Variants in GPR26 observed in about 807,000 individuals in gnomAD.
The protein encoded by GPR26 is G protein-coupled receptor 26.
A neutral mutation model predicts 23.1 loss-of-function variants in GPR26; 15 were observed. That is an observed-to-expected ratio of 0.65 (90% CI 0.43 to 1.00). GPR26 has a LOEUF of 1.00. GPR26 is among the 50% of genes least tolerant of loss of function. GPR26 has a pLI of 0.00. For synonymous variants in GPR26, 228 were observed against 222.1 expected, an observed-to-expected ratio of 1.03 and a Z score of -0.24; for missense variants, 359 against 470.5, an observed-to-expected ratio of 0.76 and a Z score of 2.19.
rs554661678 is a variant in GPR26 at position 123,696,088 on chromosome 10, A to G, written c.*7928A>G. 4.4e-4 allele frequency among the ~76,000 whole-genome samples: 67 copies of G among 152,324 alleles called. 1 individual carries two copies. The highest frequency in any genetic ancestry group is 2.9e-3 in the South Asian group (14 of 4,824). On this transcript the variant is annotated 3_prime_UTR_variant, in exon 3 of 3. Transcript: ENST00000284674. The stretch of plus-strand genomic sequence containing the variant: ...ATCAAATCCTGCCATCTGGATGTGC[A>G]TTATTAATGCTGGTGTTTGGTGAGG...
chr10:123,667,223 T>G, intron 1 of GPR26, 148 bp downstream of exon 1: 2 of 653,878 alleles, frequency 3.1e-6, no homozygotes, highest in Non-Finnish European at 5.1e-6. Flanking sequence ...CTGTGGGGCT[T>G]AAGGAGGTGC....
chr10:123,666,519 C>A lies in GPR26; in HGVS notation c.112C>A (p.Arg38Ser), dbSNP rs751087322. Reference protein sequence around the residue: ...LCLLHSADIRRQAPALFTLNL... With the variant: ...LCLLHSADIRSQAPALFTLNL... Reference sequence around the variant, plus strand: ...CCTGCTGCACAGCGCGGACATCCGCCGCCAGGCGCCGGCGCTCTTCACCCT... The same window carrying A: ...CCTGCTGCACAGCGCGGACATCCGCAGCCAGGCGCCGGCGCTCTTCACCCT... Residue 38 changes from arginine to serine, a missense_variant, in exon 1 of 3, where the codon CGC becomes AGC. Transcript: ENST00000284674. The A allele has an allele frequency of 1.3e-6, 2 of 1,581,044 alleles. No homozygotes were observed. Among genetic ancestry groups the A allele is most frequent in the East Asian group, 2.3e-5 (1 of 43,046 alleles).
rs745339778 is a variant in GPR26 at position 123,688,480 on chromosome 10, G to C, written c.*320G>C. The C allele has an allele frequency of 8.5e-6, 3 of 353,860 alleles. No homozygotes were observed. Among genetic ancestry groups the C allele is most frequent in the Non-Finnish European group, 1.1e-5 (2 of 187,720 alleles). 21.9% of individuals were successfully genotyped at this position (353,860 alleles called of 1,614,324 possible). On this transcript the variant is annotated 3_prime_UTR_variant, in exon 3 of 3. Coordinates refer to ENST00000284674, the MANE Select transcript of GPR26 (RefSeq NM_153442.4). ...GTTCTGTCACTGTCAAGGATGCAGA[G>C]AGCTGGTGGTAGGTGGGAAGCATGG...
chr10:123,697,351 GA>G lies in GPR26; in HGVS notation c.*9196del, dbSNP rs148337611. On this transcript the variant is annotated 3_prime_UTR_variant, in exon 3 of 3. Coordinates refer to ENST00000284674, the MANE Select transcript of GPR26 (RefSeq NM_153442.4). ...TGATAGAATTGATGGTTAATACAGG[GA>G]AAAAGTATATATTGTGATTCTGTCC... 0.08 allele frequency among the ~76,000 whole-genome samples: 12,141 copies of G among 152,178 alleles called. 651 individuals carry two copies. The highest frequency in any genetic ancestry group is 0.19 in the South Asian group (891 of 4,816).
intron 2 of GPR26, among the ~76,000 whole-genome samples, chr10:123,681,443 G>A (rs918135374): frequency 6.6e-6 from 1 of 152,158 alleles, no homozygotes; most frequent in Non-Finnish European, 1.5e-5. Context: ...AGCTGTCAGC[G>A]CAGAAACTAA....
intron 1 of GPR26, among the ~76,000 whole-genome samples, chr10:123,671,571 G>A (rs1266836001): frequency 2.0e-5 from 3 of 152,110 alleles, no homozygotes; most frequent in African/African-American, 4.8e-5. Flanking sequence ...CTGACTGAAC[G>A]TACCTGACCG....
At chr10:123,667,245 G>A (rs1035485906) in intron 1 of GPR26, among the ~76,000 whole-genome samples, 170 bp downstream of exon 1, 7 of 152,156 alleles carry the variant, frequency 4.6e-5, no homozygotes, top group African/African-American at 1.7e-4. Flanking sequence ...TAGGGTATCA[G>A]CAAACCAGGG....
At chr10:123,669,161 T>G (rs1314799119) in intron 1 of GPR26, among the ~76,000 whole-genome samples, 1 of 152,206 alleles carries the variant, frequency 6.6e-6, no homozygotes, top group East Asian at 1.9e-4. Context: ...GAGAAAAGAC[T>G]TCTGGGGCCG....
rs1228056340 is a variant in GPR26 at position 123,674,193 on chromosome 10, G to T, written c.669-625G>T. 2.6e-5 allele frequency among the ~76,000 whole-genome samples: 4 copies of T among 152,130 alleles called. No individual in the cohort carries two copies. The highest frequency in any genetic ancestry group is 9.7e-5 in the African/African-American group (4 of 41,442). On this transcript the variant is annotated intron_variant, in intron 1 of 2. Coordinates refer to ENST00000284674, the MANE Select transcript of GPR26 (RefSeq NM_153442.4). This position sits in a 1 kb window ranked among gnomAD's most constrained non-coding sequence, Gnocchi z 4.1. ...GGCTGGTCTCAAACTCCCGACCTCA[G>T]GTGATCCACCCACTTCGGCCTCCCA... is the stretch of plus-strand genomic sequence containing the variant.
chr10:123,689,870 A>C lies in GPR26; in HGVS notation c.*1710A>C, dbSNP rs1362369201. 1 of 152,186 alleles carries C rather than the reference A, an allele frequency of 6.6e-6. No individual in the cohort carries two copies. The highest frequency in any genetic ancestry group is 1.5e-5 in the Non-Finnish European group (1 of 68,032). The allele number at this position is 152,186 out of a possible 1,614,324, so 9.4% of individuals were successfully genotyped here. On this transcript the variant is annotated 3_prime_UTR_variant, in exon 3 of 3. Coordinates refer to ENST00000284674, the MANE Select transcript of GPR26 (RefSeq NM_153442.4). Reference sequence around the variant, plus strand: ...GTGTAGCTTCCAAGGAGGCCTTGGCATCTTGCAGTTGCTGTCAGAGATGGG... The same window carrying C: ...GTGTAGCTTCCAAGGAGGCCTTGGCCTCTTGCAGTTGCTGTCAGAGATGGG...
In GPR26 at chr10:123,696,730, T is replaced by C. The variant is rs775010859; in HGVS notation, c.*8570T>C. ...ATCTGTGTGTTTGTGTTGGAGTGAA[T>C]GTGCCCATAACCCTGTGCTCCCATA... On this transcript the variant is annotated 3_prime_UTR_variant, in exon 3 of 3. Coordinates refer to ENST00000284674, the MANE Select transcript of GPR26 (RefSeq NM_153442.4). Among the ~76,000 whole-genome samples, 11 of 152,214 alleles carry C rather than the reference T, an allele frequency of 7.2e-5. No homozygotes were observed. Among genetic ancestry groups the C allele is most frequent in the Non-Finnish European group, 1.5e-4 (10 of 68,032 alleles).
At chr10:123,679,760 CT>C in intron 2 of GPR26, among the ~76,000 whole-genome samples, 1 of 152,136 alleles carries the variant, frequency 6.6e-6, no homozygotes. Flanking sequence ...CCCCTTCTCT[CT>C]TGTGTAGATC....
At chr10:123,677,039 T>C (rs1219812) in intron 2 of GPR26, among the ~76,000 whole-genome samples, 36,034 of 152,050 alleles carry the variant, frequency 0.24, 5,007 homozygotes, top group East Asian at 0.66. Context: ...GCACACAGAG[T>C]GCCTCCTCTT....
chr10:123,690,950 A>T lies in GPR26; in HGVS notation c.*2790A>T, dbSNP rs1438380453. ...ACTCCAGGGTGAGACTTGACCTTTA[A>T]GGCCCAAACTCTGGTGAACTGTTGG... On this transcript the variant is annotated 3_prime_UTR_variant, in exon 3 of 3. Transcript: ENST00000284674. The T allele has an allele frequency of 6.6e-6, 1 of 152,204 alleles. No homozygotes were observed. Among genetic ancestry groups the T allele is most frequent in the Non-Finnish European group, 1.5e-5 (1 of 68,026 alleles). 9.4% of individuals were successfully genotyped at this position (152,204 alleles called of 1,614,324 possible).
chr10:123,684,012 C>A (rs150356632), intron 2 of GPR26, among the ~76,000 whole-genome samples: 1 of 152,306 alleles, frequency 6.6e-6, no homozygotes, highest in African/African-American at 2.4e-5. Flanking sequence ...CCCGGCCTCT[C>A]CCCAGCTCCA....
intron 2 of GPR26, among the ~76,000 whole-genome samples, chr10:123,682,067 G>T (rs146801608): frequency 1.3e-5 from 2 of 152,178 alleles, no homozygotes; most frequent in African/African-American, 4.8e-5. Context: ...TGGGGCAGGC[G>T]CTGGAAACAC....
Position 123,666,659 on chromosome 10 carries a change from C to T in GPR26, c.252C>T (p.Phe84=), listed in dbSNP as rs1845187560. 6.3e-7 allele frequency: 1 copy of T among 1,598,706 alleles called. No homozygotes were observed. Residue 84 remains phenylalanine (F), a synonymous_variant, in exon 1 of 3, where the codon TTC becomes TTT. Transcript: ENST00000284674. ...ACCGCCTGTGCCGCCTGGCTGCCTTCCTCGACACCTTCCTGGCTGCCAACT... is the reference window on the plus strand; with the variant it reads ...ACCGCCTGTGCCGCCTGGCTGCCTTTCTCGACACCTTCCTGGCTGCCAACT... The part of the protein sequence containing the change: ...AGDRLCRLAA[F]LDTFLAANSM...
In GPR26 at chr10:123,666,662, C is replaced by T. The variant is rs1378257544; in HGVS notation, c.255C>T (p.Leu85=). 1 of 1,598,910 alleles carries T rather than the reference C, an allele frequency of 6.3e-7. No individual in the cohort carries two copies. Among genetic ancestry groups the T allele is most frequent in the South Asian group, 1.1e-5 (1 of 90,322 alleles). The change falls in exon 1 of 3, where the codon CTC becomes CTT. Residue 85 remains leucine (L), a synonymous_variant. Coordinates refer to ENST00000284674, the MANE Select transcript of GPR26 (RefSeq NM_153442.4). ...GCCTGTGCCGCCTGGCTGCCTTCCT[C>T]GACACCTTCCTGGCTGCCAACTCCA... The part of the protein sequence containing the change: ...GDRLCRLAAF[L]DTFLAANSML...
rs1435972296 is a variant in GPR26, at chr10:123,695,878, C to T, written c.*7718C>T. 1.3e-5 allele frequency among the ~76,000 whole-genome samples: 2 copies of T among 152,144 alleles called. No individual in the cohort carries two copies. The highest frequency in any genetic ancestry group is 2.9e-5 in the Non-Finnish European group (2 of 68,026). ...TACAACCTCTTTTGGAGTGCAGAAA[C>T]ATTTGCGGAGTCTGGTGTGCCACCA... is the stretch of plus-strand genomic sequence containing the variant. On this transcript the variant is annotated 3_prime_UTR_variant, in exon 3 of 3. Coordinates refer to ENST00000284674, the MANE Select transcript of GPR26 (RefSeq NM_153442.4).
Sources: allele counts gnomAD v4.1 joint callset (sites outside exome capture counted in the v4.1 genomes callset), GRCh38; gene constraint gnomAD v4.1.1; non-coding constraint Gnocchi (gnomAD v3.1); transcripts MANE v1.5; gene names NCBI Gene and HGNC (gene_info 2026-07-23, HGNC 2026-07-21).